Variants in IMPDH2 observed in about 807,000 individuals in gnomAD.
The protein encoded by IMPDH2 is inosine monophosphate dehydrogenase 2, also known as inosine-5'-monophosphate dehydrogenase 2.
Under a neutral mutation model 57.8 loss-of-function variants are expected in IMPDH2, and 33 were observed. The ratio of observed to expected loss-of-function variants is 0.57; its 90% CI spans 0.43 to 0.76. The LOEUF is 0.76. Ranked by LOEUF, IMPDH2 falls within the 30% of genes least tolerant of loss-of-function variation. The pLI, the probability that IMPDH2 is intolerant of heterozygous loss-of-function variation, is 0.00. For synonymous variants in IMPDH2, 270 were observed against 241.3 expected, an observed-to-expected ratio of 1.12 and a Z score of -1.10; for missense variants, 446 against 659.1, an observed-to-expected ratio of 0.68 and a Z score of 3.54.
At position 49,028,799 on chromosome 3, in the gene IMPDH2, G is replaced by A; in HGVS notation, c.106C>T (p.Leu36Phe). The part of the protein sequence containing the change: ...CGDGLTYNDF[L>F]ILPGYIDFTA... ...AAGTCGATGTACCCAGGGAGAATGAGAAAGTCACTGCGAGGGAAGGGAGTG... is the reference window on the plus strand; with the variant it reads ...AAGTCGATGTACCCAGGGAGAATGAAAAAGTCACTGCGAGGGAAGGGAGTG... Residue 36 changes from leucine to phenylalanine, a missense_variant, in exon 2 of 14, where the codon CTC (leucine) becomes TTC (phenylalanine). Leu to Phe is a conservative substitution (Grantham distance 22, BLOSUM62 0). Coordinates refer to ENST00000326739, the MANE Select transcript of IMPDH2 (RefSeq NM_000884.3). 1.2e-6 allele frequency: 2 copies of A among 1,613,674 alleles called. No individual in the cohort carries two copies. Among genetic ancestry groups the A allele is most frequent in the South Asian group, 1.1e-5 (1 of 91,074 alleles).
At position 49,029,319 on chromosome 3, in the gene IMPDH2, G is replaced by A. The variant is rs1337564644; in HGVS notation, c.32C>T (p.Ser11Phe). ...TGTGAGTCCGTCGTCTGGCACGTAGGACGTGCCCCCACTAATCAGGTAGTC... is the reference window on the plus strand; with the variant it reads ...TGTGAGTCCGTCGTCTGGCACGTAGAACGTGCCCCCACTAATCAGGTAGTC... Reference protein sequence around the residue: MADYLISGGTSYVPDDGLTAQ... With the variant: MADYLISGGTFYVPDDGLTAQ... Residue 11 changes from serine to phenylalanine, a missense_variant, in exon 1 of 14, where the codon TCC becomes TTC. Coordinates refer to ENST00000326739, the MANE Select transcript of IMPDH2 (RefSeq NM_000884.3). The A allele has an allele frequency of 6.2e-7, 1 of 1,605,342 alleles. No individual in the cohort carries two copies. Among genetic ancestry groups the A allele is most frequent in the South Asian group, 1.1e-5 (1 of 89,604 alleles).
chr3:49,026,759 G>A lies in IMPDH2; in HGVS notation c.747C>T (p.Ala249=), dbSNP rs756527414. The change falls in exon 7 of 14, where the codon GCC becomes GCT. Residue 249 remains alanine (A), a synonymous_variant. Coordinates refer to ENST00000326739, the MANE Select transcript of IMPDH2 (RefSeq NM_000884.3). ...ACTTGTCATCCTCATGAGTGCCAATGGCTGCCCCACACAGCAGCTGTTTCT... is the reference window on the plus strand; with the variant it reads ...ACTTGTCATCCTCATGAGTGCCAATAGCTGCCCCACACAGCAGCTGTTTCT... The part of the protein sequence containing the change: ...DAKKQLLCGA[A]IGTHEDDKYR... 4 of 1,614,212 alleles carry A rather than the reference G, an allele frequency of 2.5e-6. No individual in the cohort carries two copies. The South Asian group carries it at 3.3e-5, about 13-fold the overall frequency.
At position 49,025,186 on chromosome 3, in the gene IMPDH2, C is replaced by G; in HGVS notation, c.1090G>C (p.Asp364His). 1.9e-6 allele frequency: 3 copies of G among 1,614,250 alleles called. No individual in the cohort carries two copies. The highest frequency in any genetic ancestry group is 2.5e-6 in the Non-Finnish European group (3 of 1,180,034). Residue 364 changes from aspartate to histidine, a missense_variant, in exon 10 of 14, where the codon GAT becomes CAT. Asp to His is a moderately conservative substitution (Grantham distance 81). Transcript: ENST00000326739. ...TGACCCACATTTTGGATTCCTCCAT[C>G]AGCAATGACCGGAACACCAAAGCGC... ...ARRFGVPVIA[D>H]GGIQNVGHIA...
intron 9 of IMPDH2, chr3:49,025,895 C>G (rs968369865): frequency 1.3e-5 from 6 of 450,986 alleles, no homozygotes; most frequent in African/African-American, 1.0e-4. Context: ...TTGGCCTTGC[C>G]CACCCATCAG....
At chr3:49,027,521 C>G (rs2093204580) in intron 5 of IMPDH2, among the ~76,000 whole-genome samples, 189 bp downstream of exon 5, 1 of 152,170 alleles carries the variant, frequency 6.6e-6, no homozygotes, top group Admixed American at 6.5e-5. Flanking sequence ...TGAATACTAG[C>G]AAGCATTTGG....
Position 49,026,673 on chromosome 3 carries a change from G to T in IMPDH2, c.819+14C>A, listed in dbSNP as rs181673103. On this transcript the variant is annotated intron_variant, in intron 7 of 13. Transcript: ENST00000326739. Reference sequence around the variant, plus strand: ...CTGCCCCTATTGCCCCAACCCACCTGTGTAGCAGCTCACCAAAACCACTAC... The same window carrying T: ...CTGCCCCTATTGCCCCAACCCACCTTTGTAGCAGCTCACCAAAACCACTAC... The T allele has an allele frequency of 1.9e-5, 31 of 1,613,624 alleles. No homozygotes were observed. In the South Asian group the frequency reaches 3.4e-4, roughly 18 times the overall value.
chr3:49,027,580 G>A, intron 5 of IMPDH2, 130 bp downstream of exon 5: 4 of 750,886 alleles, frequency 5.3e-6, no homozygotes, highest in Admixed American at 4.6e-5. Flanking sequence ...CCCAATAAAG[G>A]AGTCAGAAAC....
Position 49,026,761 on chromosome 3 carries a change from C to G in IMPDH2, c.745G>C (p.Ala249Pro). The stretch of plus-strand genomic sequence containing the variant: ...TTGTCATCCTCATGAGTGCCAATGG[C>G]TGCCCCACACAGCAGCTGTTTCTTG... ...DAKKQLLCGA[A>P]IGTHEDDKYR... Residue 249 changes from alanine to proline, a missense_variant, in exon 7 of 14, where the codon GCC (alanine) becomes CCC (proline). Physicochemically the swap from Ala to Pro is conservative, Grantham distance 27. Transcript: ENST00000326739. 6.2e-7 allele frequency: 1 copy of G among 1,614,226 alleles called. No individual in the cohort carries two copies. The highest frequency in any genetic ancestry group is 2.2e-5 in the East Asian group (1 of 44,882).
In IMPDH2 at chr3:49,028,023, A is replaced by G. The variant is rs374471133; in HGVS notation, c.325-107T>C. ...TTATCGATCCCTTTGGCAGTGCCAC[A>G]AGACCAAATCACACCAACACATCTT... On this transcript the variant is annotated intron_variant, in intron 4 of 13. Transcript: ENST00000326739. The G allele has an allele frequency of 5.6e-5, 52 of 934,004 alleles. 1 individual carries two copies. Among genetic ancestry groups the G allele is most frequent in the East Asian group, 3.9e-4 (15 of 38,166 alleles). The allele number at this position is 934,004 out of a possible 1,614,324, so 57.9% of individuals were successfully genotyped here.
In IMPDH2 at chr3:49,026,622, G is replaced by A. The variant is rs774081862; in HGVS notation, c.820-13C>T. ...CCTGGGAAGAGTCCTAGGACAAGAA[G>A]TAAGTCTCAGACTGTGATGTGGCAG... On this transcript the variant is annotated splice_polypyrimidine_tract_variant and intron_variant, in intron 7 of 13. Transcript: ENST00000326739. The A allele has an allele frequency of 2.2e-5, 35 of 1,612,452 alleles. No individual in the cohort carries two copies. The South Asian group carries it at 3.5e-4, about 16-fold the overall frequency.
chr3:49,025,270 C>T lies in IMPDH2; in HGVS notation c.1007-1G>A, dbSNP rs778767476. 1.9e-6 allele frequency: 3 copies of T among 1,614,224 alleles called. No individual in the cohort carries two copies. Among genetic ancestry groups the T allele is most frequent in the South Asian group, 1.1e-5 (1 of 91,088 alleles). ...GCTTGGGGCCGCCCACAGGCCAGCACTGTTGAGATGGAGGAACACATGGGT... is the reference window on the plus strand; with the variant it reads ...GCTTGGGGCCGCCCACAGGCCAGCATTGTTGAGATGGAGGAACACATGGGT... On this transcript the variant is annotated splice_acceptor_variant, in intron 9 of 13. Coordinates refer to ENST00000326739, the MANE Select transcript of IMPDH2 (RefSeq NM_000884.3). LOFTEE classifies it high-confidence loss of function.
intron 9 of IMPDH2, 90 bp from the exon 10 acceptor site, chr3:49,025,359 G>C (rs77237642): frequency 7.1e-7 from 1 of 1,406,558 alleles, no homozygotes; most frequent in East Asian, 2.3e-5. Context: ...GGAGCTTTTG[G>C]CTACATCTGC....
chr3:49,025,495 G>T (rs1223428255), intron 9 of IMPDH2: 2 of 559,088 alleles, frequency 3.6e-6, no homozygotes, highest in East Asian at 6.2e-5. Flanking sequence ...CATGTGTGCA[G>T]TGCCCAGGGC....
At position 49,028,825 on chromosome 3, in the gene IMPDH2, A is replaced by C. The variant is rs1292774557; in HGVS notation, c.99-19T>G. On this transcript the variant is annotated intron_variant, in intron 1 of 13. Transcript: ENST00000326739. ...AAAGTCACTGCGAGGGAAGGGAGTG[A>C]ATTGGGAGTAAAGCTCTCAGCTTAG... is the stretch of plus-strand genomic sequence containing the variant. 1.2e-6 allele frequency: 2 copies of C among 1,608,216 alleles called. No homozygotes were observed. The highest frequency in any genetic ancestry group is 1.7e-6 in the Non-Finnish European group (2 of 1,174,824).
chr3:49,024,408 C>T lies in IMPDH2; in HGVS notation c.1524-4G>A, dbSNP rs1023118996. 3.1e-6 allele frequency: 5 copies of T among 1,614,104 alleles called. No homozygotes were observed. Among genetic ancestry groups the T allele is most frequent in the Non-Finnish European group, 4.2e-6 (5 of 1,180,014 alleles). Reference sequence around the variant, plus strand: ...TCAGAAAAGCCGCTTCTCATACCTGCAGGCAGAAGGACCACCTGTGAGGTG... The same window carrying T: ...TCAGAAAAGCCGCTTCTCATACCTGTAGGCAGAAGGACCACCTGTGAGGTG... On this transcript the variant is annotated splice_region_variant and splice_polypyrimidine_tract_variant and intron_variant, in intron 13 of 13. Transcript: ENST00000326739.
chr3:49,028,621 G>T, intron 2 of IMPDH2, 89 bp from the exon 3 acceptor site: 1 of 1,308,114 alleles, frequency 7.6e-7, no homozygotes, highest in South Asian at 1.2e-5. Flanking sequence ...ACTTTTGTAT[G>T]ACCTGCATGC....
rs777366134 is a variant in IMPDH2, at chr3:49,026,956, T to C, written c.619+4A>G. 1.9e-6 allele frequency: 3 copies of C among 1,613,842 alleles called. No homozygotes were observed. The African/African-American group carries it at 4.0e-5, about 22-fold the overall frequency. On this transcript the variant is annotated splice_donor_region_variant and intron_variant, in intron 6 of 13. Coordinates refer to ENST00000326739, the MANE Select transcript of IMPDH2 (RefSeq NM_000884.3). Reference sequence around the variant, plus strand: ...CCAGGCCCTTTCCCAGCTCTAGGACTTACCCTTCTTGCTGCGCTGCAGAAT... The same window carrying C: ...CCAGGCCCTTTCCCAGCTCTAGGACCTACCCTTCTTGCTGCGCTGCAGAAT...
chr3:49,025,054 G>A lies in IMPDH2; in HGVS notation c.1151-14C>T. ...AGCCCATCATGACTGCGGACAGATG[G>A]AGTGCTTGGGTTAGAGCCTAAGCAG... is the stretch of plus-strand genomic sequence containing the variant. On this transcript the variant is annotated splice_polypyrimidine_tract_variant and intron_variant, in intron 10 of 13. Transcript: ENST00000326739. 1 of 1,614,266 alleles carries A rather than the reference G, an allele frequency of 6.2e-7. No individual in the cohort carries two copies. The highest frequency in any genetic ancestry group is 8.5e-7 in the Non-Finnish European group (1 of 1,180,050).
At position 49,028,549 on chromosome 3, in the gene IMPDH2, C is replaced by A; in HGVS notation, c.148-17G>T. The A allele has an allele frequency of 1.3e-6, 2 of 1,596,492 alleles. No homozygotes were observed. The highest frequency in any genetic ancestry group is 2.2e-5 in the South Asian group (2 of 90,570). ...AGTCAGGTCCTGAGGAGACAAACGT[C>A]AACCAGTGTGGGAAAGCATCCCTTA... On this transcript the variant is annotated splice_polypyrimidine_tract_variant and intron_variant, in intron 2 of 13. Transcript: ENST00000326739.
Sources: allele counts gnomAD v4.1 joint callset (sites outside exome capture counted in the v4.1 genomes callset), GRCh38; gene constraint gnomAD v4.1.1; transcripts MANE v1.5; gene names NCBI Gene and HGNC (gene_info 2026-07-23, HGNC 2026-07-21).